Variants in ACACA observed in about 807,000 individuals in gnomAD.
ACACA encodes acetyl-CoA carboxylase alpha.
Under a neutral mutation model 296.1 loss-of-function variants are expected in ACACA, and 103 were observed. The ratio of observed to expected loss-of-function variants is 0.35; its 90% CI spans 0.30 to 0.41. The LOEUF (loss-of-function observed/expected upper bound fraction) is 0.41. Ranked by LOEUF, ACACA falls within the 10% of genes least tolerant of loss-of-function variation. The probability of loss-of-function intolerance (pLI) is 1.00; values close to 1 mark genes in which losing one functional copy is unlikely to be tolerated. For synonymous variants in ACACA, 953 were observed against 1,038.6 expected, an observed-to-expected ratio of 0.92 and a Z score of 1.58; for missense variants, 1,554 against 2,989.7, an observed-to-expected ratio of 0.52 and a Z score of 11.20.
chr17:37,288,969 T>C (rs1436060210), intron 3 of ACACA, among the ~76,000 whole-genome samples: 1 of 151,798 alleles, frequency 6.6e-6, no homozygotes, highest in Non-Finnish European at 1.5e-5. Flanking sequence ...CTTTTGAAAA[T>C]ACTCATTTAC....
intron 29 of ACACA, among the ~76,000 whole-genome samples, chr17:37,213,863 G>A (rs1469420831): frequency 6.6e-6 from 1 of 152,000 alleles, no homozygotes; most frequent in African/African-American, 2.4e-5. Context: ...TTCTCTGGCA[G>A]CCACAAGTTC....
intron 39 of ACACA, among the ~76,000 whole-genome samples, chr17:37,181,898 T>G (rs1224682007): frequency 2.5e-5 from 1 of 40,130 alleles, no homozygotes; most frequent in Non-Finnish European, 3.8e-5. Flanking sequence ...AGACTCTGTA[T>G]CCAAAAAAAA....
intron 2 of ACACA, among the ~76,000 whole-genome samples, chr17:37,338,054 G>C: frequency 6.6e-6 from 1 of 151,436 alleles, no homozygotes; most frequent in Non-Finnish European, 1.5e-5. Context: ...CAGAGATCAC[G>C]CCACTGCACT....
intron 29 of ACACA, among the ~76,000 whole-genome samples, chr17:37,220,624 T>C (rs191413967): frequency 6.6e-6 from 1 of 152,322 alleles, no homozygotes; most frequent in East Asian, 1.9e-4. Flanking sequence ...ATATATGCTT[T>C]TCTCTGCCAG....
chr17:37,377,801 T>A, intron 1 of ACACA: 3 of 1,217,164 alleles, frequency 2.5e-6, no homozygotes, highest in African/African-American at 1.5e-5. Context: ...CCCAGAATTC[T>A]AAAAAGTAAG....
chr17:37,270,872 A>G lies in ACACA; in HGVS notation c.1009-11T>C. 6.2e-7 allele frequency: 1 copy of G among 1,604,554 alleles called. No homozygotes were observed. The highest frequency in any genetic ancestry group is 1.3e-5 in the African/African-American group (1 of 74,834). On this transcript the variant is annotated splice_polypyrimidine_tract_variant and intron_variant, in intron 9 of 55. Coordinates refer to ENST00000616317, the MANE Select transcript of ACACA (RefSeq NM_198834.3). ...AACTTCCTCAGCTGCCTTCAAAAAG[A>G]AAGAAAAAAAAAATAGAAGAAACAG...
At chr17:37,173,997 TATATATATATATA>T (rs2076990884) in intron 41 of ACACA, among the ~76,000 whole-genome samples, 47 of 11,612 alleles carry the variant, frequency 4.0e-3, no homozygotes, top group Non-Finnish European at 6.9e-3. Context: ...TATATATATA[TATATATATATATA>T]TATATATATA....
intron 52 of ACACA, among the ~76,000 whole-genome samples, chr17:37,098,660 G>A (rs1172542942): frequency 6.6e-6 from 1 of 152,240 alleles, no homozygotes; most frequent in Admixed American, 6.5e-5. Context: ...CGCCTGGGCT[G>A]CTACTGCCAG....
chr17:37,328,132 A>G (rs1455730071), intron 3 of ACACA, among the ~76,000 whole-genome samples: 1 of 152,252 alleles, frequency 6.6e-6, no homozygotes, highest in African/African-American at 2.4e-5. Context: ...TATATAATTA[A>G]GACACCTGTA....
intron 1 of ACACA, chr17:37,377,834 C>T: frequency 6.6e-7 from 1 of 1,519,638 alleles, no homozygotes; most frequent in Non-Finnish European, 9.1e-7. Context: ...CTGATTTTCC[C>T]CAAACCTTCC....
chr17:37,298,475 A>T (rs1598430549), intron 3 of ACACA, among the ~76,000 whole-genome samples: 1 of 152,184 alleles, frequency 6.6e-6, no homozygotes, highest in Middle Eastern at 3.4e-3. Context: ...TGAGTATAGG[A>T]GTTTGAGACT....
chr17:37,138,219 G>C (rs190635277), intron 45 of ACACA, among the ~76,000 whole-genome samples: 1 of 152,338 alleles, frequency 6.6e-6, no homozygotes, highest in East Asian at 1.9e-4. Flanking sequence ...TGGCCAATCT[G>C]AATGAGAAGG....
intron 1 of ACACA, among the ~76,000 whole-genome samples, chr17:37,368,149 C>T (rs1000909654): frequency 1.3e-5 from 2 of 149,218 alleles, no homozygotes; most frequent in African/African-American, 5.0e-5. Context: ...GAGTGGAGGC[C>T]CTGTCTTAGC....
chr17:37,398,804 G>A (rs922516074), intron 1 of ACACA, among the ~76,000 whole-genome samples: 1 of 141,024 alleles, frequency 7.1e-6, no homozygotes, highest in Admixed American at 7.5e-5. Flanking sequence ...GGCTAGTCTC[G>A]AACTACTGAC....
At chr17:37,310,740 G>A (rs1004670483) in intron 3 of ACACA, among the ~76,000 whole-genome samples, 2 of 138,912 alleles carry the variant, frequency 1.4e-5, no homozygotes, top group African/African-American at 5.4e-5. Context: ...GTTGCAGAGA[G>A]CCAAGATTGC....
At chr17:37,297,446 G>GA (rs34538373) in intron 3 of ACACA, among the ~76,000 whole-genome samples, 47,740 of 116,376 alleles carry the variant, frequency 0.41, 10,595 homozygotes, top group African/African-American at 0.66. Context: ...TGTCTCGAAA[G>GA]AAAAAAAAAA....
At chr17:37,306,330 A>G (rs1257860174) in intron 3 of ACACA, among the ~76,000 whole-genome samples, 3 of 152,152 alleles carry the variant, frequency 2.0e-5, no homozygotes, top group Non-Finnish European at 4.4e-5. Flanking sequence ...TGTGTTGAAG[A>G]TCTGCCAGTC....
At chr17:37,221,631 T>C in intron 29 of ACACA, 93 bp downstream of exon 29, 2 of 1,127,340 alleles carry the variant, frequency 1.8e-6, no homozygotes, top group South Asian at 2.5e-5. Flanking sequence ...CATTTCTAAC[T>C]AAAAAAACAT....
intron 3 of ACACA, among the ~76,000 whole-genome samples, chr17:37,314,224 C>T (rs1013784367): frequency 1.3e-5 from 2 of 151,648 alleles, no homozygotes; most frequent in Non-Finnish European, 2.9e-5. Context: ...CTCAGCCTCC[C>T]GAGTAGCTGG....
Sources: allele counts gnomAD v4.1 joint callset (sites outside exome capture counted in the v4.1 genomes callset), GRCh38; gene constraint gnomAD v4.1.1; transcripts MANE v1.5; gene names NCBI Gene and HGNC (gene_info 2026-07-23, HGNC 2026-07-21).